The following IL1RAPL2 variants were observed in gnomAD, a reference collection of about 807,000 sequenced individuals.
The protein encoded by IL1RAPL2 is X-linked interleukin-1 receptor accessory protein-like 2.
IL1RAPL2 carries 3 observed loss-of-function variants against 44.1 expected under a neutral mutation model. That is an observed-to-expected ratio of 0.07 (90% confidence interval 0.03 to 0.18). The LOEUF is 0.18. Among genes scored for constraint, IL1RAPL2 ranks in the 10% least tolerant of loss-of-function variants. The pLI is 1.00. For synonymous variants in IL1RAPL2, 181 were observed against 178.8 expected (o/e 1.01, Z -0.10); for missense variants, 391 against 496.4 (o/e 0.79, Z 2.02).
chrX:104,708,905 C>T (rs1200590673), intron 2 of IL1RAPL2, among the ~76,000 whole-genome samples: 1 of 110,828 alleles, frequency 9.0e-6, no homozygotes, highest in Admixed American at 9.7e-5. Flanking sequence ...TTGGGGAATA[C>T]AAACTAATTT....
intron 2 of IL1RAPL2, among the ~76,000 whole-genome samples, chrX:104,953,940 A>G (rs1258881399): frequency 4.5e-5 from 5 of 111,470 alleles, no homozygotes; most frequent in African/African-American, 1.3e-4. Flanking sequence ...CAGTGAATTG[A>G]ACAGTAGTGA....
intron 6 of IL1RAPL2, among the ~76,000 whole-genome samples, chrX:105,489,722 TTC>T (rs1297597126): frequency 9.6e-6 from 1 of 103,892 alleles, no homozygotes; most frequent in Non-Finnish European, 1.9e-5. Context: ...CCTTCCTTCC[TTC>T]TTTCTTTCTC....
chrX:104,921,737 G>A (rs1231639181), intron 2 of IL1RAPL2, among the ~76,000 whole-genome samples: 1 of 112,780 alleles, frequency 8.9e-6, no homozygotes, highest in Non-Finnish European at 1.9e-5. Flanking sequence ...GGCCAGGAAG[G>A]GTGTGGCCTG....
chrX:104,702,464 A>G (rs775665359), intron 2 of IL1RAPL2, among the ~76,000 whole-genome samples: 1 of 112,264 alleles, frequency 8.9e-6, no homozygotes, highest in Non-Finnish European at 1.9e-5. Flanking sequence ...ATAAAAAAAG[A>G]ATAAAACAAA....
chrX:105,013,642 C>T (rs751068276), intron 2 of IL1RAPL2, among the ~76,000 whole-genome samples: 15 of 110,319 alleles, frequency 1.4e-4, no homozygotes, highest in East Asian at 1.2e-3. Context: ...TTTGTCCTGA[C>T]GATTCTCCTT....
chrX:105,585,712 TGCATA>T (rs2037122308), intron 6 of IL1RAPL2, among the ~76,000 whole-genome samples: 1 of 81,619 alleles, frequency 1.2e-5, no homozygotes, highest in African/African-American at 4.7e-5. Context: ...TTTTTATGGC[TGCATA>T]GTATTCCATG....
chrX:104,894,132 A>G (rs140735017), intron 2 of IL1RAPL2, among the ~76,000 whole-genome samples: 75 of 111,975 alleles, frequency 6.7e-4, no homozygotes, highest in African/African-American at 2.3e-3. Flanking sequence ...CTTCTGGCTT[A>G]TAGTTTCTGC....
intron 1 of IL1RAPL2, among the ~76,000 whole-genome samples, chrX:104,594,976 A>G (rs2074886535): frequency 8.9e-6 from 1 of 112,128 alleles, no homozygotes; most frequent in African/African-American, 3.2e-5. Flanking sequence ...ATGTTGAGGC[A>G]CTTAGAGTGT....
chrX:105,307,521 A>T (rs2034752610), intron 5 of IL1RAPL2, among the ~76,000 whole-genome samples: 1 of 53,479 alleles, frequency 1.9e-5, no homozygotes, highest in East Asian at 6.1e-4. Flanking sequence ...TAATATATAT[A>T]TTTTATATTA....
chrX:105,062,005 G>T (rs1197859458), intron 2 of IL1RAPL2, among the ~76,000 whole-genome samples: 1 of 111,615 alleles, frequency 9.0e-6, no homozygotes, highest in Admixed American at 9.5e-5. Flanking sequence ...TGATTGGAGA[G>T]TTTAGTCTAT....
At chrX:105,131,707 T>A (rs981600831) in intron 2 of IL1RAPL2, among the ~76,000 whole-genome samples, 3 of 110,952 alleles carry the variant, frequency 2.7e-5, no homozygotes, top group Non-Finnish European at 5.7e-5. Flanking sequence ...ACAAGTTAGC[T>A]ATTCAAAGTT....
intron 2 of IL1RAPL2, among the ~76,000 whole-genome samples, chrX:104,729,259 G>T (rs1055251357): frequency 5.4e-5 from 6 of 111,042 alleles, no homozygotes; most frequent in African/African-American, 1.6e-4. Flanking sequence ...AGGTATAGAA[G>T]CTCATATCAA....
At chrX:105,244,131 G>A (rs950690883) in intron 4 of IL1RAPL2, among the ~76,000 whole-genome samples, 3 of 110,864 alleles carry the variant, frequency 2.7e-5, no homozygotes, top group African/African-American at 6.6e-5. Flanking sequence ...GAGATTTTGC[G>A]ATTTCAATAA....
intron 2 of IL1RAPL2, among the ~76,000 whole-genome samples, chrX:105,140,813 TTAGTATTA>T (rs1268244927): frequency 8.9e-6 from 1 of 111,981 alleles, no homozygotes; most frequent in East Asian, 2.8e-4. Context: ...GTGAAATAAA[TTAGTATTA>T]GGGGTATGAG....
intron 6 of IL1RAPL2, among the ~76,000 whole-genome samples, chrX:105,614,155 A>G (rs939521756): frequency 4.5e-5 from 5 of 112,000 alleles, no homozygotes; most frequent in Non-Finnish European, 7.5e-5. Flanking sequence ...TGGAAACTAT[A>G]AAACATTGAT....
intron 3 of IL1RAPL2, among the ~76,000 whole-genome samples, chrX:105,205,252 C>T (rs2033750895): frequency 9.1e-6 from 1 of 109,885 alleles, no homozygotes; most frequent in Non-Finnish European, 1.9e-5. Context: ...AAGTGAATGC[C>T]ATGTGTAAAG....
chrX:105,247,629 G>A (rs1415951501), intron 4 of IL1RAPL2, among the ~76,000 whole-genome samples: 1 of 108,173 alleles, frequency 9.2e-6, no homozygotes, highest in African/African-American at 3.4e-5. Context: ...GTGTGTGTGT[G>A]TGTGTGTGTG....
At chrX:105,360,189 A>G (rs987450958) in intron 5 of IL1RAPL2, among the ~76,000 whole-genome samples, 17 of 111,675 alleles carry the variant, frequency 1.5e-4, no homozygotes, top group Admixed American at 7.7e-4. Context: ...AAGTGAAGCA[A>G]TACCTACCCA....
At chrX:105,427,428 C>A (rs969915296) in intron 5 of IL1RAPL2, among the ~76,000 whole-genome samples, 1 of 111,812 alleles carries the variant, frequency 8.9e-6, no homozygotes, top group Admixed American at 9.5e-5. Flanking sequence ...ATGGAACTAC[C>A]CCATATATTT....
Sources: gnomAD v4.1 joint callset for allele counts (sites outside exome capture counted in the v4.1 genomes callset) on GRCh38, gnomAD v4.1.1 for gene constraint, MANE v1.5 for transcripts, NCBI Gene and HGNC (gene_info 2026-07-23, HGNC 2026-07-21) for gene names.